ZNF138: variants seen among roughly 807,000 people sequenced by gnomAD.
ZNF138 encodes zinc finger protein 138 (clone pHZ-32).
ZNF138 carries 33 observed loss-of-function variants against 33.0 expected under a neutral mutation model. The ratio of observed to expected loss-of-function variants is 1.00; its 90% CI spans 0.76 to 1.34. The LOEUF (loss-of-function observed/expected upper bound fraction) is 1.34, where lower values mean the gene tolerates loss of function less well. ZNF138 is among the 40% of genes most tolerant of loss of function. The probability of loss-of-function intolerance (pLI) is 0.00; values close to 1 mark genes in which losing one functional copy is unlikely to be tolerated. For missense variants in ZNF138, 360 were observed against 370.8 expected (o/e 0.97, Z 0.24); for synonymous variants, 139 against 120.4 (o/e 1.15, Z -1.01).
chr7:64,831,372 A>T, intron 3 of ZNF138, 79 bp from the exon 4 acceptor site: 4 of 1,290,794 alleles, frequency 3.1e-6, no homozygotes, highest in East Asian at 4.7e-5. Flanking sequence ...AGTTTGTATG[A>T]TTTTATAGGT....
the ZNF138 span, among the ~76,000 whole-genome samples, chr7:64,846,423 C>G: frequency 1.3e-5 from 2 of 152,128 alleles, no homozygotes; most frequent in African/African-American, 4.8e-5. Context: ...TTGCTTGTGT[C>G]GTGTATGATT....
the ZNF138 span, among the ~76,000 whole-genome samples, chr7:64,846,270 G>A: frequency 9.9e-5 from 15 of 152,000 alleles, no homozygotes; most frequent in Admixed American, 3.3e-4. Flanking sequence ...CATATGAATC[G>A]TAGGATTGTT....
the ZNF138 span, among the ~76,000 whole-genome samples, chr7:64,857,717 T>TA: frequency 1.1e-3 from 170 of 148,558 alleles, 1 homozygote; most frequent in African/African-American, 4.0e-3. Context: ...AGAGAAGAAT[T>TA]AAAAAAAAAC....
chr7:64,824,667 T>G (rs1309727356), intron 3 of ZNF138, among the ~76,000 whole-genome samples: 1 of 152,206 alleles, frequency 6.6e-6, no homozygotes, highest in African/African-American at 2.4e-5. Context: ...ACAAATATAA[T>G]AGTTATAAAT....
chr7:64,851,757 G>T, the ZNF138 span, among the ~76,000 whole-genome samples: 1 of 152,214 alleles, frequency 6.6e-6, no homozygotes, highest in Non-Finnish European at 1.5e-5. Context: ...ATGTCAGGAA[G>T]CCTCCAAAAA....
At chr7:64,851,903 A>G in the ZNF138 span, among the ~76,000 whole-genome samples, 10 of 152,194 alleles carry the variant, frequency 6.6e-5, no homozygotes, top group African/African-American at 1.4e-4. Context: ...TTTCAAATCA[A>G]ACACTCAAAG....
intron 3 of ZNF138, among the ~76,000 whole-genome samples, chr7:64,819,745 CATAA>C (rs1788962584): frequency 1.0e-3 from 1 of 980 alleles, no homozygotes. Context: ...AAACTCATAA[CATAA>C]AATTTACCAT....
At chr7:64,828,641 CTG>C (rs1415355947) in intron 3 of ZNF138, among the ~76,000 whole-genome samples, 2 of 152,050 alleles carry the variant, frequency 1.3e-5, no homozygotes, top group Non-Finnish European at 1.5e-5. Context: ...CTTCATATGA[CTG>C]TATATTTGAA....
In ZNF138 at chr7:64,831,611, T is replaced by G; in HGVS notation, c.369T>G (p.Gly123=). 1.2e-6 allele frequency: 2 copies of G among 1,611,750 alleles called. No homozygotes were observed. The highest frequency in any genetic ancestry group is 1.7e-6 in the Non-Finnish European group (2 of 1,179,284). The part of the protein sequence containing the change: ...SVDECKGHQG[G]FNGLNQCLKI... ...ATGAGTGTAAGGGACACCAAGGAGG[T>G]TTTAATGGACTTAACCAATGTTTGA... The change falls in exon 4 of 4, where the codon GGT becomes GGG. Residue 123 remains glycine, a synonymous_variant. Transcript: ENST00000307355.
chr7:64,859,170 C>T, the ZNF138 span, among the ~76,000 whole-genome samples: 1 of 152,134 alleles, frequency 6.6e-6, no homozygotes, highest in African/African-American at 2.4e-5. Flanking sequence ...TTGTGAACCA[C>T]CCACCTCAGC....
intron 3 of ZNF138, among the ~76,000 whole-genome samples, chr7:64,819,397 T>C (rs568989603): frequency 6.6e-6 from 1 of 151,258 alleles, no homozygotes; most frequent in Admixed American, 6.6e-5. Context: ...AGATTGAGTC[T>C]TGCTCTTTTG....
chr7:64,819,722 AAATT>A (rs1375294264), intron 3 of ZNF138, among the ~76,000 whole-genome samples: 2 of 93,420 alleles, frequency 2.1e-5, no homozygotes, highest in Non-Finnish European at 4.3e-5. Flanking sequence ...AGTTTTTCAA[AAATT>A]AATTGTAAAA....
intron 3 of ZNF138, among the ~76,000 whole-genome samples, chr7:64,822,416 A>G (rs187766663): frequency 1.3e-5 from 2 of 151,614 alleles, no homozygotes; most frequent in African/African-American, 2.4e-5. Context: ...CATTTCTAAG[A>G]GATTAACAGT....
chr7:64,829,406 C>G (rs771846123), intron 3 of ZNF138, among the ~76,000 whole-genome samples: 48 of 149,926 alleles, frequency 3.2e-4, no homozygotes, highest in Non-Finnish European at 5.6e-4. Flanking sequence ...CACACACACA[C>G]CACACACACA....
intron 1 of ZNF138, among the ~76,000 whole-genome samples, chr7:64,810,184 A>G (rs1038225484): frequency 3.5e-5 from 5 of 142,638 alleles, no homozygotes; most frequent in Non-Finnish European, 6.1e-5. Context: ...CACTGAGTGA[A>G]CGAGACTCCG....
intron 1 of ZNF138, among the ~76,000 whole-genome samples, chr7:64,795,072 A>T (rs1525814): frequency 0.061 from 9,307 of 152,234 alleles, 467 homozygotes; most frequent in East Asian, 0.26. Context: ...AAACACTTGT[A>T]TAAGGTGTAT....
At chr7:64,849,008 G>A in the ZNF138 span, among the ~76,000 whole-genome samples, 2 of 152,084 alleles carry the variant, frequency 1.3e-5, no homozygotes, top group Admixed American at 1.3e-4. Context: ...CTGGCTGGGG[G>A]GAATGTTAAA....
intron 1 of ZNF138, among the ~76,000 whole-genome samples, chr7:64,804,249 C>CT (rs1787391011): frequency 6.6e-6 from 1 of 152,184 alleles, no homozygotes; most frequent in African/African-American, 2.4e-5. Flanking sequence ...ATCTATAGAT[C>CT]ACAGACATTG....
intron 1 of ZNF138, among the ~76,000 whole-genome samples, chr7:64,810,444 G>GGAGAGT (rs1474757553): frequency 6.1e-5 from 8 of 130,370 alleles, no homozygotes; most frequent in African/African-American, 2.3e-4. Context: ...GTGGGGAGAG[G>GGAGAGT]GAGAGGGAGA....
Sources: allele counts gnomAD v4.1 joint callset (sites outside exome capture counted in the v4.1 genomes callset), GRCh38; gene constraint gnomAD v4.1.1; transcripts MANE v1.5; gene names NCBI Gene and HGNC (gene_info 2026-07-23, HGNC 2026-07-21).